ANKS1B: variants seen among roughly 807,000 people sequenced by gnomAD.
ANKS1B encodes ankyrin repeat and sterile alpha motif domain-containing protein 1B.
ANKS1B carries 36 observed loss-of-function variants against 148.3 expected under a neutral mutation model. That is an observed-to-expected ratio of 0.24 (90% confidence interval 0.19 to 0.32). The LOEUF (loss-of-function observed/expected upper bound fraction) is 0.32, where lower values mean the gene tolerates loss of function less well. Among genes scored for constraint, ANKS1B ranks in the 10% least tolerant of loss-of-function variants. ANKS1B has a pLI of 1.00. For synonymous variants in ANKS1B, 542 were observed against 560.8 expected (o/e 0.97, Z 0.47); for missense variants, 1,157 against 1,542.6 (o/e 0.75, Z 4.19).
intron 10 of ANKS1B, among the ~76,000 whole-genome samples, chr12:99,485,011 C>T (rs2096468990): frequency 6.6e-6 from 1 of 151,688 alleles, no homozygotes; most frequent in East Asian, 1.9e-4. Context: ...GCATTTAGGC[C>T]ATTTACATTC....
At chr12:99,240,191 T>C (rs549135412) in intron 14 of ANKS1B, among the ~76,000 whole-genome samples, 57 of 152,094 alleles carry the variant, frequency 3.7e-4, no homozygotes, top group Admixed American at 1.4e-3. Flanking sequence ...GAGACACACA[T>C]AGGCTCAAAA....
chr12:98,764,139 G>A (rs4636718), intron 25 of ANKS1B, among the ~76,000 whole-genome samples: 69,416 of 151,852 alleles, frequency 0.46, 16,104 homozygotes, highest in East Asian at 0.59. Flanking sequence ...GTGCAAAGGT[G>A]GTACAGGAGG....
chr12:99,249,717 T>C (rs1472196739), intron 12 of ANKS1B, among the ~76,000 whole-genome samples: 1 of 152,152 alleles, frequency 6.6e-6, no homozygotes, highest in Non-Finnish European at 1.5e-5. Context: ...TCCCCGTATC[T>C]AGTCCTCTCA....
At chr12:99,405,521 C>T (rs2094510593) in intron 11 of ANKS1B, among the ~76,000 whole-genome samples, 1 of 143,930 alleles carries the variant, frequency 6.9e-6, no homozygotes, top group Non-Finnish European at 1.5e-5. Flanking sequence ...AAGGTAAATT[C>T]AAATTAAAAA....
At chr12:98,798,159 G>A (rs999915837) in intron 22 of ANKS1B, among the ~76,000 whole-genome samples, 10 of 146,248 alleles carry the variant, frequency 6.8e-5, no homozygotes, top group African/African-American at 2.5e-4. Context: ...TTCCACTTGT[G>A]TCACCCAGGC....
chr12:99,297,711 G>A (rs1176788953), intron 12 of ANKS1B, among the ~76,000 whole-genome samples: 2 of 152,002 alleles, frequency 1.3e-5, no homozygotes, highest in East Asian at 3.9e-4. Context: ...TAGGCTTCAT[G>A]GTGGGCTTAG....
intron 17 of ANKS1B, among the ~76,000 whole-genome samples, chr12:99,027,660 T>G (rs185934704): frequency 1.1e-4 from 16 of 152,270 alleles, no homozygotes; most frequent in Admixed American, 7.2e-4. Flanking sequence ...CCCCGAAGGG[T>G]GCCAGACTGA....
rs1402233927 is a variant in ANKS1B, at chr12:99,939,576, AGGCT to A, written c.134+44524_134+44527del. ...GTTCTTCCAGAAGTCTCATCATCAC[AGGCT>A]CATTGTAGTATAAATATTTTCACAT... On this transcript the variant is annotated intron_variant, in intron 1 of 26. Coordinates refer to ENST00000683438, the MANE Select transcript of ANKS1B (RefSeq NM_001352186.2). Among the ~76,000 whole-genome samples the A allele has an allele frequency of 3.3e-5, 5 of 152,214 alleles. No individual in the cohort carries two copies. The South Asian group carries it at 1.0e-3, about 32-fold the overall frequency.
chr12:99,675,955 T>C (rs993267712), intron 8 of ANKS1B, among the ~76,000 whole-genome samples: 2 of 152,152 alleles, frequency 1.3e-5, no homozygotes, highest in African/African-American at 4.8e-5. Flanking sequence ...TTTGGCTTTG[T>C]CCCCACTCAA....
chr12:99,756,574 T>G (rs2061590335), intron 8 of ANKS1B, among the ~76,000 whole-genome samples: 1 of 152,012 alleles, frequency 6.6e-6, no homozygotes, highest in African/African-American at 2.4e-5. Flanking sequence ...AGAAAAAAAC[T>G]ACTTTAAAAT....
intron 9 of ANKS1B, among the ~76,000 whole-genome samples, chr12:99,541,754 C>G (rs551500250): frequency 4.6e-5 from 7 of 152,048 alleles, no homozygotes; most frequent in African/African-American, 1.7e-4. Context: ...ACTTGGGAGG[C>G]TGAGGCAGAA....
At chr12:99,960,431 A>C (rs1051370842) in intron 1 of ANKS1B, among the ~76,000 whole-genome samples, 3 of 152,022 alleles carry the variant, frequency 2.0e-5, no homozygotes, top group African/African-American at 7.2e-5. Context: ...CTGCTCCCTA[A>C]CCCTCTGTTT....
At chr12:99,879,112 C>A (rs2092322539) in intron 1 of ANKS1B, among the ~76,000 whole-genome samples, 1 of 152,080 alleles carries the variant, frequency 6.6e-6, no homozygotes, top group Non-Finnish European at 1.5e-5. Flanking sequence ...GTAAGCTTTA[C>A]TAAAGGACAA....
intron 25 of ANKS1B, among the ~76,000 whole-genome samples, chr12:98,768,561 G>T (rs113499825): frequency 1.3e-5 from 2 of 150,728 alleles, no homozygotes; most frequent in Non-Finnish European, 3.0e-5. Context: ...GGTGAAACCC[G>T]GTCTCTACTA....
chr12:99,289,159 C>A (rs576535079), intron 12 of ANKS1B, among the ~76,000 whole-genome samples: 44 of 151,808 alleles, frequency 2.9e-4, no homozygotes, highest in African/African-American at 1.1e-3. Context: ...ATAAAAACTA[C>A]AAAAAGTGAT....
chr12:99,657,003 T>C (rs1479170190), intron 8 of ANKS1B, among the ~76,000 whole-genome samples: 9 of 152,184 alleles, frequency 5.9e-5, no homozygotes, highest in Admixed American at 5.9e-4. Flanking sequence ...TTCCCCTTGA[T>C]CACTTGTCAG....
In ANKS1B at chr12:99,322,251, G is replaced by A. The variant is rs888900568; in HGVS notation, c.1757-75387C>T. ...CCATCATCCTCAGTAAACTAACACA[G>A]GAACAGAAAACCAAACACTGTATGT... On this transcript the variant is annotated intron_variant, in intron 12 of 26. Coordinates refer to ENST00000683438, the MANE Select transcript of ANKS1B (RefSeq NM_001352186.2). Among the ~76,000 whole-genome samples the A allele has an allele frequency of 2.6e-5, 4 of 151,868 alleles. No individual in the cohort carries two copies. In the East Asian group the frequency reaches 7.7e-4, roughly 29 times the overall value.
intron 14 of ANKS1B, among the ~76,000 whole-genome samples, chr12:99,167,212 A>G (rs919143797): frequency 3.2e-4 from 48 of 152,034 alleles, no homozygotes; most frequent in African/African-American, 1.1e-3. Context: ...AGTAGGCACC[A>G]GAAGTACAAT....
intron 15 of ANKS1B, among the ~76,000 whole-genome samples, chr12:99,088,685 A>G (rs1001477420): frequency 6.6e-6 from 1 of 152,096 alleles, no homozygotes; most frequent in Non-Finnish European, 1.5e-5. Context: ...AAATGTTTCA[A>G]ACCTTATAAC....
Sources: allele counts gnomAD v4.1 joint callset (sites outside exome capture counted in the v4.1 genomes callset), GRCh38; gene constraint gnomAD v4.1.1; transcripts MANE v1.5; gene names NCBI Gene and HGNC (gene_info 2026-07-23, HGNC 2026-07-21).